Variants in UNC13B observed in about 807,000 individuals in gnomAD.
The protein encoded by UNC13B is protein unc-13 homolog B.
UNC13B carries 144 observed loss-of-function variants against 211.0 expected under a neutral mutation model. That is an observed-to-expected ratio of 0.68 (90% CI 0.60 to 0.78). The LOEUF is 0.78. UNC13B is among the 30% of genes least tolerant of loss of function. The pLI, the probability that UNC13B is intolerant of heterozygous loss-of-function variation, is 0.00. For missense variants in UNC13B, 1,777 were observed against 2,002.0 expected, an observed-to-expected ratio of 0.89 and a Z score of 2.14; for synonymous variants, 709 against 725.8, an observed-to-expected ratio of 0.98 and a Z score of 0.37.
intron 7 of UNC13B, among the ~76,000 whole-genome samples, chr9:35,272,232 CATTTT>C (rs1564106200): frequency 3.0e-5 from 4 of 131,416 alleles, no homozygotes; most frequent in Non-Finnish European, 4.9e-5. Flanking sequence ...TTGGTTGTTT[CATTTT>C]GTTTTTTTTG....
intron 16 of UNC13B, 51 bp from the exon 17 acceptor site, chr9:35,378,244 T>C (rs1416157742): frequency 1.9e-6 from 3 of 1,610,958 alleles, no homozygotes; most frequent in Non-Finnish European, 8.5e-7. Flanking sequence ...AGTAGTGTTG[T>C]GGGGGGCTTC....
intron 1 of UNC13B, among the ~76,000 whole-genome samples, chr9:35,215,514 G>A (rs956232807): frequency 3.0e-4 from 46 of 152,290 alleles, no homozygotes; most frequent in African/African-American, 1.0e-3. Flanking sequence ...GACAACAATA[G>A]GATGTAAAGC....
chr9:35,183,316 G>A (rs540683258), intron 1 of UNC13B, among the ~76,000 whole-genome samples: 10 of 115,670 alleles, frequency 8.6e-5, no homozygotes, highest in Admixed American at 3.3e-4. Flanking sequence ...CCTCCCAGGC[G>A]GGGCAGCCGG....
intron 1 of UNC13B, among the ~76,000 whole-genome samples, chr9:35,197,031 A>C (rs955080810): frequency 2.0e-5 from 3 of 152,062 alleles, no homozygotes; most frequent in Non-Finnish European, 4.4e-5. Context: ...TCAATCTCCC[A>C]AAACGTTGGG....
intron 1 of UNC13B, among the ~76,000 whole-genome samples, chr9:35,172,497 AG>A: frequency 6.6e-6 from 1 of 152,180 alleles, no homozygotes; most frequent in Non-Finnish European, 1.5e-5. Context: ...ATACTATATT[AG>A]GTGTAACTGC....
At chr9:35,191,436 T>C (rs1822655005) in intron 1 of UNC13B, among the ~76,000 whole-genome samples, 1 of 152,134 alleles carries the variant, frequency 6.6e-6, no homozygotes, top group African/African-American at 2.4e-5. Context: ...TTACAGTGTA[T>C]AGTCTAAAAC....
At chr9:35,223,156 G>A (rs1824652388) in intron 1 of UNC13B, among the ~76,000 whole-genome samples, 1 of 152,130 alleles carries the variant, frequency 6.6e-6, no homozygotes, top group Admixed American at 6.5e-5. Flanking sequence ...AGTAAACATG[G>A]GGATGCTAAT....
intron 1 of UNC13B, among the ~76,000 whole-genome samples, chr9:35,195,093 A>G (rs1210037144): frequency 6.6e-6 from 1 of 152,122 alleles, no homozygotes; most frequent in Non-Finnish European, 1.5e-5. Flanking sequence ...TTTTAATGCA[A>G]ATGGAACTTT....
At chr9:35,257,767 T>C (rs1355040058) in intron 6 of UNC13B, among the ~76,000 whole-genome samples, 2 of 152,194 alleles carry the variant, frequency 1.3e-5, no homozygotes, top group East Asian at 3.9e-4. Context: ...ATATTTTATA[T>C]ACAAAAAGTG....
intron 1 of UNC13B, among the ~76,000 whole-genome samples, chr9:35,186,229 C>G (rs1822352296): frequency 6.6e-6 from 1 of 152,156 alleles, no homozygotes; most frequent in Non-Finnish European, 1.5e-5. Flanking sequence ...AAGAGACATT[C>G]ACCACCTATT....
intron 1 of UNC13B, among the ~76,000 whole-genome samples, chr9:35,197,580 C>T (rs1050816125): frequency 2.6e-5 from 4 of 152,276 alleles, no homozygotes; most frequent in East Asian, 1.9e-4. Flanking sequence ...ATATGTGATA[C>T]GGTTTGGATT....
Position 35,398,306 on chromosome 9 carries a change from G to A in UNC13B, c.11832+18G>A. On this transcript the variant is annotated intron_variant, in intron 31 of 39. Coordinates refer to ENST00000635942, the MANE Select transcript of UNC13B (RefSeq NM_001371189.2). ...GCAAGGAGGTAGGTCTTAGGGTTTGGGAGTCACTGTATTTTCCCTTTATTC... is the reference window on the plus strand; with the variant it reads ...GCAAGGAGGTAGGTCTTAGGGTTTGAGAGTCACTGTATTTTCCCTTTATTC... 3.1e-6 allele frequency: 5 copies of A among 1,610,482 alleles called. No homozygotes were observed. The highest frequency in any genetic ancestry group is 1.7e-4 in the Middle Eastern group (1 of 6,050).
intron 7 of UNC13B, among the ~76,000 whole-genome samples, chr9:35,284,474 T>C (rs1313574997): frequency 6.6e-6 from 1 of 152,236 alleles, no homozygotes; most frequent in Non-Finnish European, 1.5e-5. Flanking sequence ...TATTAATAAA[T>C]CATCTTTGCC....
intron 1 of UNC13B, among the ~76,000 whole-genome samples, chr9:35,182,305 T>C (rs1217503564): frequency 6.6e-6 from 1 of 152,000 alleles, no homozygotes; most frequent in Non-Finnish European, 1.5e-5. Context: ...TTGAGCTTCC[T>C]TTTGATTTTT....
intron 10 of UNC13B, 21 bp downstream of exon 10, chr9:35,310,802 G>A: frequency 6.2e-7 from 1 of 1,605,346 alleles, no homozygotes; most frequent in Non-Finnish European, 8.5e-7. Flanking sequence ...GCTGCCTTGA[G>A]GAGCTCACAT....
intron 17 of UNC13B, among the ~76,000 whole-genome samples, chr9:35,380,233 T>G (rs531944116): frequency 6.6e-6 from 1 of 152,314 alleles, no homozygotes; most frequent in South Asian, 2.1e-4. Context: ...CCCCTTGCCC[T>G]TTGTTCTAGG....
In UNC13B at chr9:35,301,957, T is replaced by C. The variant is rs191421043; in HGVS notation, c.2553T>C (p.Asp851=). 3,094 of 398,784 alleles carry C rather than the reference T, an allele frequency of 7.8e-3. 22 individuals carry two copies. Among genetic ancestry groups the C allele is most frequent in the Non-Finnish European group, 9.0e-3 (2,028 of 225,850 alleles). 24.7% of individuals were successfully genotyped at this position (398,784 alleles called of 1,614,324 possible). Residue 851 remains aspartate, a synonymous_variant, in exon 9 of 40, where the codon GAT becomes GAC. Coordinates refer to ENST00000635942, the MANE Select transcript of UNC13B (RefSeq NM_001371189.2). ...GTTTAGAAAGGGGCTCTAAGAAAGATGGTCATTCCTTTTCCTTTAGTGGAA... is the reference window on the plus strand; with the variant it reads ...GTTTAGAAAGGGGCTCTAAGAAAGACGGTCATTCCTTTTCCTTTAGTGGAA... ...EDGLERGSKK[D]GHSFSFSGKL...
intron 7 of UNC13B, among the ~76,000 whole-genome samples, chr9:35,276,854 G>T (rs1044258355): frequency 6.6e-6 from 1 of 151,930 alleles, no homozygotes; most frequent in Non-Finnish European, 1.5e-5. Context: ...TCCCACAAAG[G>T]CCAAATTGTT....
chr9:35,290,238 C>G (rs1436852094), intron 7 of UNC13B, among the ~76,000 whole-genome samples: 1 of 152,086 alleles, frequency 6.6e-6, no homozygotes, highest in Non-Finnish European at 1.5e-5. Context: ...AAGTGGCTCT[C>G]TTTAAGGACC....
Sources: allele counts gnomAD v4.1 joint callset (sites outside exome capture counted in the v4.1 genomes callset), GRCh38; gene constraint gnomAD v4.1.1; transcripts MANE v1.5; gene names NCBI Gene and HGNC (gene_info 2026-07-23, HGNC 2026-07-21).